The following CHN1 variants were observed in gnomAD, a reference collection of about 807,000 sequenced individuals.
CHN1 encodes chimerin 1, also known as N-chimaerin.
CHN1 carries 37 observed loss-of-function variants against 59.5 expected under a neutral mutation model. The observed-to-expected ratio is 0.62, with a 90% CI of 0.48 to 0.82. The LOEUF is 0.82. Ranked by LOEUF, CHN1 falls within the 40% of genes least tolerant of loss-of-function variation. The pLI, the probability that CHN1 is intolerant of heterozygous loss-of-function variation, is 0.00. For synonymous variants in CHN1, 206 were observed against 200.4 expected, an observed-to-expected ratio of 1.03 and a Z score of -0.24; for missense variants, 469 against 571.0, an observed-to-expected ratio of 0.82 and a Z score of 1.82.
intron 1 of CHN1, among the ~76,000 whole-genome samples, chr2:175,000,072 C>T (rs1006123922): frequency 1.3e-5 from 2 of 151,512 alleles, no homozygotes; most frequent in Non-Finnish European, 2.9e-5. Context: ...GCTCTCCACA[C>T]ATTAAAAGAC....
intron 5 of CHN1, among the ~76,000 whole-genome samples, chr2:174,906,955 G>GA (rs35218454): frequency 6.6e-6 from 1 of 152,178 alleles, no homozygotes; most frequent in African/African-American, 2.4e-5. Context: ...TTACCAAACA[G>GA]AAGAAACCTT....
intron 6 of CHN1, among the ~76,000 whole-genome samples, chr2:174,872,301 A>G (rs969469545): frequency 6.6e-6 from 1 of 152,204 alleles, no homozygotes; most frequent in Admixed American, 6.5e-5. Flanking sequence ...AAAGGATCCA[A>G]CATAACTTCT....
rs1021755727 is a variant in CHN1, at chr2:174,819,677, ATTATAC to A, written c.712+4751_712+4756del. ...TGAACTTGATTTTTTTATTATTATT[ATTATAC>A]TTTAAGTTTTAGGGTACATGTGCAC... is the stretch of plus-strand genomic sequence containing the variant. On this transcript the variant is annotated intron_variant, in intron 8 of 12. Coordinates refer to ENST00000409900, the MANE Select transcript of CHN1 (RefSeq NM_001822.7). 7.9e-5 allele frequency among the ~76,000 whole-genome samples: 12 copies of A among 152,174 alleles called. No individual in the cohort carries two copies. The South Asian group carries it at 1.2e-3, about 16-fold the overall frequency.
rs1282808255 is a variant in CHN1 at position 175,005,038 on chromosome 2, C to T, written c.-126G>A. 7.1e-7 allele frequency: 1 copy of T among 1,405,992 alleles called. No individual in the cohort carries two copies. Among genetic ancestry groups the T allele is most frequent in the Non-Finnish European group, 9.3e-7 (1 of 1,078,300 alleles). 87.1% of individuals were successfully genotyped at this position (1,405,992 alleles called of 1,614,324 possible). ...GGTGCCCGATGGGGCGTGCTGGGGG[C>T]GCCGGCGCCCGGGGAGGCTGCAGGC... On this transcript the variant is annotated 5_prime_UTR_variant, in exon 1 of 13. Coordinates refer to ENST00000409900, the MANE Select transcript of CHN1 (RefSeq NM_001822.7).
At chr2:174,807,773 G>C (rs1447358877) in intron 11 of CHN1, among the ~76,000 whole-genome samples, 1 of 152,044 alleles carries the variant, frequency 6.6e-6, no homozygotes, top group African/African-American at 2.4e-5. Flanking sequence ...CTCTACAAAA[G>C]CCCTGAGAGG....
intron 5 of CHN1, among the ~76,000 whole-genome samples, chr2:174,903,378 T>C (rs1450205235): frequency 2.0e-5 from 3 of 152,250 alleles, no homozygotes; most frequent in Non-Finnish European, 4.4e-5. Context: ...AGATCATCTT[T>C]GCTGTTACAG....
At chr2:174,944,271 C>G (rs1159269926) in intron 3 of CHN1, among the ~76,000 whole-genome samples, 2 of 152,074 alleles carry the variant, frequency 1.3e-5, no homozygotes, top group Non-Finnish European at 2.9e-5. Flanking sequence ...GTAGATACTA[C>G]AAAATTCTCA....
intron 7 of CHN1, among the ~76,000 whole-genome samples, chr2:174,827,478 G>A (rs1685727504): frequency 6.6e-6 from 1 of 152,224 alleles, no homozygotes; most frequent in Non-Finnish European, 1.5e-5. Flanking sequence ...CTGCAAGGAA[G>A]TTCAGTCTGG....
intron 6 of CHN1, among the ~76,000 whole-genome samples, chr2:174,859,395 C>T (rs1311744747): frequency 6.6e-6 from 1 of 152,138 alleles, no homozygotes; most frequent in African/African-American, 2.4e-5. Flanking sequence ...GAAACCTCTT[C>T]CAGGCCTAGG....
At chr2:174,957,448 G>GGT (rs962036835) in intron 1 of CHN1, among the ~76,000 whole-genome samples, 1 of 138,654 alleles carries the variant, frequency 7.2e-6, no homozygotes, top group Non-Finnish European at 1.6e-5. Flanking sequence ...GTGTGTGTTG[G>GGT]GGGGGGGGGC....
intron 5 of CHN1, among the ~76,000 whole-genome samples, chr2:174,899,123 C>T (rs1462247614): frequency 1.3e-5 from 2 of 152,090 alleles, no homozygotes; most frequent in Non-Finnish European, 2.9e-5. Flanking sequence ...TTTTTATATA[C>T]ATTTATACCA....
At chr2:174,824,579 T>C (rs1283365287) in intron 7 of CHN1, 61 bp from the exon 8 acceptor site, 13 of 988,048 alleles carry the variant, frequency 1.3e-5, no homozygotes, top group Non-Finnish European at 1.8e-5. Context: ...AGAAGACTGC[T>C]TCATATCAAA....
In CHN1 at chr2:174,898,624, G is replaced by A. The variant is rs142408414; in HGVS notation, c.260+16434C>T. Among the ~76,000 whole-genome samples, 301 of 152,030 alleles carry A rather than the reference G, an allele frequency of 2.0e-3. 1 individual carries two copies. The highest frequency in any genetic ancestry group is 6.8e-3 in the African/African-American group (282 of 41,490). On this transcript the variant is annotated intron_variant, in intron 5 of 12. Coordinates refer to ENST00000409900, the MANE Select transcript of CHN1 (RefSeq NM_001822.7). ...GTCTCAAAAAAACAAAGAAATTGTC[G>A]CTTCTTATCCGGTTACTTGTAGTCA...
chr2:174,807,060 G>A (rs1236759848), intron 11 of CHN1, among the ~76,000 whole-genome samples: 1 of 152,118 alleles, frequency 6.6e-6, no homozygotes, highest in African/African-American at 2.4e-5. Context: ...GAGATAAGGG[G>A]GCTTGCTAAT....
intron 1 of CHN1, among the ~76,000 whole-genome samples, chr2:174,955,114 GATCTATAGATCTAATATAGATCTATAT>G (rs1246336105): frequency 1.4e-5 from 2 of 147,222 alleles, no homozygotes; most frequent in East Asian, 3.9e-4. Flanking sequence ...TAGATCTATA[GATCTATAGATCTAATATAGATCTATAT>G]ATCTCTATAT....
At chr2:174,857,813 G>A (rs1686950937) in intron 6 of CHN1, among the ~76,000 whole-genome samples, 1 of 152,070 alleles carries the variant, frequency 6.6e-6, no homozygotes, top group Non-Finnish European at 1.5e-5. Flanking sequence ...ATTGTTCTGT[G>A]GCAATAGAGA....
At chr2:174,890,721 C>A (rs1364243610) in intron 5 of CHN1, among the ~76,000 whole-genome samples, 1 of 151,982 alleles carries the variant, frequency 6.6e-6, no homozygotes, top group Non-Finnish European at 1.5e-5. Context: ...CAGCATTATA[C>A]CCCAACTGAA....
chr2:175,003,119 G>A (rs1284463770), intron 1 of CHN1, among the ~76,000 whole-genome samples: 1 of 152,192 alleles, frequency 6.6e-6, no homozygotes, highest in Non-Finnish European at 1.5e-5. Flanking sequence ...AGACATCCCA[G>A]ATGACTGATG....
chr2:174,834,406 C>A (rs1469926646), intron 7 of CHN1, among the ~76,000 whole-genome samples: 1 of 152,056 alleles, frequency 6.6e-6, no homozygotes, highest in African/African-American at 2.4e-5. Context: ...GTATCATTTT[C>A]TTTCTTAAAA....
Sources: gnomAD v4.1 joint callset for allele counts (sites outside exome capture counted in the v4.1 genomes callset) on GRCh38, gnomAD v4.1.1 for gene constraint, MANE v1.5 for transcripts, NCBI Gene and HGNC (gene_info 2026-07-23, HGNC 2026-07-21) for gene names.